AGBL1: variants seen among roughly 807,000 people sequenced by gnomAD.
AGBL1 encodes the protein cytosolic carboxypeptidase 4.
A neutral mutation model predicts 118.9 loss-of-function variants in AGBL1; 130 were observed. The ratio of observed to expected loss-of-function variants is 1.09; its 90% confidence interval spans 0.95 to 1.26. The LOEUF is 1.26. AGBL1 is among the 50% of genes most tolerant of loss of function. AGBL1 has a pLI of 0.00. For synonymous variants in AGBL1, 555 were observed against 478.9 expected (o/e 1.16, Z -2.08); for missense variants, 1,584 against 1,298.1 (o/e 1.22, Z -3.38).
intron 22 of AGBL1, among the ~76,000 whole-genome samples, chr15:86,810,175 G>C (rs368501005): frequency 2.0e-5 from 3 of 152,206 alleles, no homozygotes; most frequent in African/African-American, 7.2e-5. Context: ...TCGGGACTAA[G>C]TAGATTCTTA....
Position 86,916,036 on chromosome 15 carries a change from C to CTTTTCTGTCT in AGBL1, c.*8742_*8743insTTTTCTGTCT, listed in dbSNP as rs2080418245. The CTTTTCTGTCT allele has an allele frequency of 1.3e-5, 2 of 152,216 alleles. No individual in the cohort carries two copies. 9.4% of individuals were successfully genotyped at this position (152,216 alleles called of 1,614,324 possible). ...TCAGAAAAGGGCCTTGTTTTCCAAT[C>CTTTTCTGTCT]ACCGACTGTCCTGTCTACATTAGCA... On this transcript the variant is annotated 3_prime_UTR_variant, in exon 23 of 23. Coordinates refer to ENST00000614907, the MANE Select transcript of AGBL1 (RefSeq NM_001386094.1).
intron 10 of AGBL1, among the ~76,000 whole-genome samples, chr15:86,264,047 AC>A (rs1040513682): frequency 9.9e-5 from 15 of 152,246 alleles, no homozygotes; most frequent in Middle Eastern, 3.4e-3. Context: ...ATTGGACTAG[AC>A]CCACCAAAAG....
At chr15:86,256,238 A>G (rs2078893149) in intron 7 of AGBL1, among the ~76,000 whole-genome samples, 1 of 152,222 alleles carries the variant, frequency 6.6e-6, no homozygotes, top group Non-Finnish European at 1.5e-5. Flanking sequence ...TCAAAATGTT[A>G]CATCTGCAAA....
chr15:86,828,455 C>A (rs1041895774), intron 22 of AGBL1, among the ~76,000 whole-genome samples: 1 of 151,964 alleles, frequency 6.6e-6, no homozygotes, highest in Non-Finnish European at 1.5e-5. Flanking sequence ...CATACATGTC[C>A]TTATAAATAG....
intron 15 of AGBL1, among the ~76,000 whole-genome samples, chr15:86,275,751 C>G (rs992857059): frequency 6.6e-6 from 1 of 152,164 alleles, no homozygotes; most frequent in Non-Finnish European, 1.5e-5. Context: ...TCATTTTTGA[C>G]CCCAGATGAC....
At chr15:86,505,454 T>C (rs1467611556) in intron 18 of AGBL1, among the ~76,000 whole-genome samples, 1 of 151,830 alleles carries the variant, frequency 6.6e-6, no homozygotes, top group Non-Finnish European at 1.5e-5. Flanking sequence ...ACTCTGTTAA[T>C]TTTTTAGATC....
At chr15:86,539,769 A>G (rs371338619) in intron 19 of AGBL1, among the ~76,000 whole-genome samples, 6 of 152,212 alleles carry the variant, frequency 3.9e-5, no homozygotes, top group East Asian at 1.9e-4. Context: ...GAAGCACCAC[A>G]TAGCACACTT....
chr15:86,385,155 T>C (rs1224424638), intron 17 of AGBL1, among the ~76,000 whole-genome samples: 1 of 152,204 alleles, frequency 6.6e-6, no homozygotes, highest in African/African-American at 2.4e-5. Flanking sequence ...CACCAAAAAG[T>C]CTCACTCAAT....
chr15:86,359,397 T>C (rs974484261), intron 17 of AGBL1, among the ~76,000 whole-genome samples: 14 of 141,146 alleles, frequency 9.9e-5, no homozygotes, highest in South Asian at 2.2e-4. Flanking sequence ...CTTTTTTTTT[T>C]TTTTTTTTTT....
intron 18 of AGBL1, among the ~76,000 whole-genome samples, chr15:86,431,002 A>T (rs1466315228): frequency 6.6e-6 from 1 of 152,230 alleles, no homozygotes; most frequent in Non-Finnish European, 1.5e-5. Flanking sequence ...GATGGTAAGT[A>T]ACTTACTCAA....
intron 1 of AGBL1, among the ~76,000 whole-genome samples, chr15:86,129,260 G>A (rs2076788188): frequency 6.6e-6 from 1 of 152,114 alleles, no homozygotes; most frequent in Non-Finnish European, 1.5e-5. Context: ...TAACTACGTT[G>A]TCACTTAACC....
intron 22 of AGBL1, among the ~76,000 whole-genome samples, chr15:86,877,543 G>A (rs181538070): frequency 6.6e-6 from 1 of 152,218 alleles, no homozygotes; most frequent in African/African-American, 2.4e-5. Flanking sequence ...GCTGGGGAAG[G>A]GATAAGTAGA....
Position 87,019,313 on chromosome 15 carries a change from A to G in AGBL1, c.3324-9512A>G, listed in dbSNP as rs2347464. Among the ~76,000 whole-genome samples the G allele has an allele frequency of 8.3e-3, 1,269 of 152,254 alleles. 59 individuals carry two copies. The highest frequency in any genetic ancestry group is 0.065 in the Admixed American group (986 of 15,274). On this transcript the variant is annotated intron_variant, in intron 24 of 24. Coordinates refer to the AGBL1 transcript ENST00000441037. ...AACTCTCCACCCAAAACAACAGAAT[A>G]TATATTCTTCTCATCACTACACAGC...
chr15:86,425,747 C>T (rs2081858851), intron 18 of AGBL1, among the ~76,000 whole-genome samples: 2 of 152,164 alleles, frequency 1.3e-5, no homozygotes, highest in African/African-American at 4.8e-5. Context: ...CCAGGGCCAA[C>T]ATGCTATAGT....
At chr15:86,979,140 A>G (rs2081203274) in intron 23 of AGBL1, among the ~76,000 whole-genome samples, 1 of 152,178 alleles carries the variant, frequency 6.6e-6, no homozygotes, top group Admixed American at 6.5e-5. Flanking sequence ...CTATTTCTAC[A>G]CATTTTGGTC....
At chr15:86,688,776 A>G (rs2086108600) in intron 22 of AGBL1, among the ~76,000 whole-genome samples, 1 of 152,148 alleles carries the variant, frequency 6.6e-6, no homozygotes, top group Non-Finnish European at 1.5e-5. Context: ...TGGCATATCT[A>G]TATATCTATA....
intron 18 of AGBL1, among the ~76,000 whole-genome samples, chr15:86,425,281 A>C (rs1040765872): frequency 2.0e-5 from 3 of 151,998 alleles, no homozygotes; most frequent in African/African-American, 7.2e-5. Flanking sequence ...CAGCAAACTA[A>C]CACAGAAACA....
chr15:86,851,762 G>A (rs1227197203), intron 22 of AGBL1, among the ~76,000 whole-genome samples: 5 of 152,088 alleles, frequency 3.3e-5, no homozygotes, highest in African/African-American at 1.2e-4. Context: ...GGGATGGTGA[G>A]CAGTGGGGTC....
intron 19 of AGBL1, among the ~76,000 whole-genome samples, chr15:86,537,287 T>C (rs1275797438): frequency 6.6e-6 from 1 of 152,242 alleles, no homozygotes; most frequent in African/African-American, 2.4e-5. Context: ...AATAACCATC[T>C]GCTCTGATTG....
Sources: gnomAD v4.1 joint callset for allele counts (sites outside exome capture counted in the v4.1 genomes callset) on GRCh38, gnomAD v4.1.1 for gene constraint, MANE v1.5 for transcripts, NCBI Gene and HGNC (gene_info 2026-07-23, HGNC 2026-07-21) for gene names.